Variants in TRHDE observed in about 807,000 individuals in gnomAD.
TRHDE encodes the protein thyrotropin-releasing hormone-degrading ectoenzyme.
TRHDE carries 72 observed loss-of-function variants against 125.7 expected under a neutral mutation model. The ratio of observed to expected loss-of-function variants is 0.57; its 90% confidence interval spans 0.47 to 0.70. The LOEUF (loss-of-function observed/expected upper bound fraction) is 0.70, where lower values mean the gene tolerates loss of function less well. Among genes scored for constraint, TRHDE ranks in the 30% least tolerant of loss-of-function variants. The pLI is 0.00. For synonymous variants in TRHDE, 509 were observed against 509.1 expected (o/e 1.00, Z 0.00); for missense variants, 1,110 against 1,327.1 (o/e 0.84, Z 2.54).
In TRHDE at chr12:72,539,851, A is replaced by G. The variant is rs374183838; in HGVS notation, c.1723-2440A>G. On this transcript the variant is annotated intron_variant, in intron 6 of 18. Coordinates refer to ENST00000261180, the MANE Select transcript of TRHDE (RefSeq NM_013381.3). Reference sequence around the variant, plus strand: ...AATTATTAAATCTTGCAGAAATAGTATGTCTACTTTTCATAAAGCTACTCG... The same window carrying G: ...AATTATTAAATCTTGCAGAAATAGTGTGTCTACTTTTCATAAAGCTACTCG... 3.3e-5 allele frequency among the ~76,000 whole-genome samples: 5 copies of G among 151,858 alleles called. No individual in the cohort carries two copies. The South Asian group carries it at 6.2e-4, about 19-fold the overall frequency.
At chr12:72,329,076 G>A (rs971318585) in intron 2 of TRHDE, among the ~76,000 whole-genome samples, 3 of 152,116 alleles carry the variant, frequency 2.0e-5, no homozygotes, top group African/African-American at 7.2e-5. Flanking sequence ...TTTATGAAGA[G>A]CTCATCATAT....
chr12:72,589,300 A>G (rs1871571950), intron 12 of TRHDE, among the ~76,000 whole-genome samples: 1 of 152,092 alleles, frequency 6.6e-6, no homozygotes, highest in Non-Finnish European at 1.5e-5. Context: ...GACTCTTTTC[A>G]TATGCTCATT....
At chr12:72,535,235 A>C (rs1868794140) in intron 6 of TRHDE, among the ~76,000 whole-genome samples, 1 of 152,158 alleles carries the variant, frequency 6.6e-6, no homozygotes, top group Admixed American at 6.6e-5. Flanking sequence ...TTTTATTGTT[A>C]TGTTCTAATT....
chr12:72,403,551 G>A (rs773880402), intron 3 of TRHDE, among the ~76,000 whole-genome samples: 4 of 152,226 alleles, frequency 2.6e-5, no homozygotes, highest in Admixed American at 6.5e-5. Context: ...GCTTGCCTGG[G>A]ATCCCTGGGA....
chr12:72,239,807 T>C (rs1878438150), intron 2 of TRHDE, among the ~76,000 whole-genome samples: 1 of 152,172 alleles, frequency 6.6e-6, no homozygotes, highest in Non-Finnish European at 1.5e-5. Context: ...GAGACAAAAG[T>C]CTTGAATAGA....
intron 1 of TRHDE, among the ~76,000 whole-genome samples, chr12:72,278,368 C>A (rs1009343676): frequency 6.6e-6 from 1 of 152,188 alleles, no homozygotes; most frequent in Admixed American, 6.5e-5. Context: ...TTCTGTATCT[C>A]GGCTACTGTG....
intron 2 of TRHDE, among the ~76,000 whole-genome samples, chr12:72,362,383 G>A (rs1297920493): frequency 2.7e-5 from 4 of 149,564 alleles, no homozygotes; most frequent in Non-Finnish European, 6.0e-5. Flanking sequence ...GTCTGTTCAT[G>A]TCCTTTGCCC....
At chr12:72,270,077 C>A (rs867710315), upstream of TRHDE, among the ~76,000 whole-genome samples, 1 of 152,166 alleles carries the variant, frequency 6.6e-6, no homozygotes, top group East Asian at 1.9e-4. Context: ...TGCTGAGGAT[C>A]GCAGGGCTCC....
chr12:72,393,448 T>C (rs964836578), intron 3 of TRHDE, among the ~76,000 whole-genome samples: 1 of 152,110 alleles, frequency 6.6e-6, no homozygotes. Context: ...CCTTGAGAAA[T>C]GCAGGGTGTG....
chr12:72,559,969 A>G (rs1017701638), intron 7 of TRHDE, among the ~76,000 whole-genome samples: 2 of 152,208 alleles, frequency 1.3e-5, no homozygotes, highest in African/African-American at 2.4e-5. Context: ...AGTTACCTGA[A>G]CACACTAAGT....
intron 2 of TRHDE, among the ~76,000 whole-genome samples, chr12:72,247,109 T>C (rs1425000681): frequency 1.3e-5 from 2 of 152,180 alleles, no homozygotes; most frequent in African/African-American, 4.8e-5. Context: ...TTATATAAAA[T>C]GGTATAGTAT....
rs1455297902 is a variant in TRHDE at position 72,669,563 on chromosome 12, C to G, written c.*6368C>G. ...TTAAGTTAATCATTTAGTAGCTACC[C>G]TTTTAACCTCTACTATGTTCACAGT... On this transcript the variant is annotated 3_prime_UTR_variant, in exon 19 of 19. Coordinates refer to ENST00000261180, the MANE Select transcript of TRHDE (RefSeq NM_013381.3). 6.6e-6 allele frequency: 1 copy of G among 151,784 alleles called. No individual in the cohort carries two copies. The highest frequency in any genetic ancestry group is 1.5e-5 in the Non-Finnish European group (1 of 67,852). The allele number at this position is 151,784 out of a possible 1,614,324, so 9.4% of individuals were successfully genotyped here. A position where few individuals can be genotyped will look rare whatever the true frequency, so the allele number is the denominator to read the frequency against.
At chr12:72,606,928 A>G in intron 12 of TRHDE, among the ~76,000 whole-genome samples, 1 of 152,142 alleles carries the variant, frequency 6.6e-6, no homozygotes. Context: ...AAACATGACC[A>G]TCTAAAAATT....
intron 12 of TRHDE, among the ~76,000 whole-genome samples, chr12:72,616,139 T>C (rs1309265320): frequency 6.6e-6 from 1 of 152,140 alleles, no homozygotes; most frequent in Non-Finnish European, 1.5e-5. Context: ...CTCTGTTTAA[T>C]GAATGCTTTT....
At chr12:72,618,375 A>T (rs756409839) in intron 12 of TRHDE, among the ~76,000 whole-genome samples, 5 of 152,166 alleles carry the variant, frequency 3.3e-5, no homozygotes, top group Non-Finnish European at 7.4e-5. Flanking sequence ...ATGGAAAGCA[A>T]CTTTAAAAAA....
At chr12:72,092,641 T>A (rs2139283291) in intron 1 of TRHDE, among the ~76,000 whole-genome samples, 1 of 152,332 alleles carries the variant, frequency 6.6e-6, no homozygotes, top group South Asian at 2.1e-4. Flanking sequence ...TTAGACTGCA[T>A]GCAAACAGTT....
At chr12:72,361,720 A>G (rs1269147928) in intron 2 of TRHDE, among the ~76,000 whole-genome samples, 1 of 28,100 alleles carries the variant, frequency 3.6e-5, no homozygotes, top group East Asian at 1.1e-3. Context: ...ACCTCCCCCC[A>G]CCCCACAACA....
intron 12 of TRHDE, among the ~76,000 whole-genome samples, chr12:72,606,555 G>A (rs1233128673): frequency 6.6e-6 from 1 of 152,126 alleles, no homozygotes; most frequent in African/African-American, 2.4e-5. Context: ...ATTTTATAAA[G>A]GAAGAAACTG....
chr12:72,345,720 T>A (rs1294091322), intron 2 of TRHDE, among the ~76,000 whole-genome samples: 2 of 152,026 alleles, frequency 1.3e-5, no homozygotes, highest in South Asian at 2.1e-4. Context: ...GAGGAATGTG[T>A]GGGCTCCCGG....
Sources: gnomAD v4.1 joint callset for allele counts (sites outside exome capture counted in the v4.1 genomes callset) on GRCh38, gnomAD v4.1.1 for gene constraint, MANE v1.5 for transcripts, NCBI Gene and HGNC (gene_info 2026-07-23, HGNC 2026-07-21) for gene names.